Variants in MEMO1 observed in about 807,000 individuals in gnomAD.
The protein encoded by MEMO1 is protein MEMO1.
A neutral mutation model predicts 45.2 loss-of-function variants in MEMO1; 6 were observed. The ratio of observed to expected loss-of-function variants is 0.13; its 90% CI spans 0.07 to 0.26. MEMO1 has a LOEUF of 0.26. Ranked by LOEUF, MEMO1 falls within the 10% of genes least tolerant of loss-of-function variation. The probability of loss-of-function intolerance (pLI) is 1.00; values close to 1 mark genes in which losing one functional copy is unlikely to be tolerated. For missense variants in MEMO1, 184 were observed against 370.5 expected (o/e 0.50, Z 4.13); for synonymous variants, 78 against 124.3 (o/e 0.63, Z 2.48).
intron 2 of MEMO1, among the ~76,000 whole-genome samples, chr2:31,991,367 G>T: frequency 6.6e-6 from 1 of 152,082 alleles, no homozygotes; most frequent in Non-Finnish European, 1.5e-5. Flanking sequence ...AGGTCTGGAG[G>T]TCGAGACCAG....
intron 2 of MEMO1, among the ~76,000 whole-genome samples, chr2:31,962,824 A>G (rs1213700692): frequency 6.6e-6 from 1 of 152,168 alleles, no homozygotes; most frequent in East Asian, 1.9e-4. Context: ...GTGCCCAGAC[A>G]TTTGGTCAAG....
At chr2:31,975,420 T>G (rs1041064971) in intron 2 of MEMO1, among the ~76,000 whole-genome samples, 1 of 152,174 alleles carries the variant, frequency 6.6e-6, no homozygotes, top group Non-Finnish European at 1.5e-5. Context: ...ATAAACATTT[T>G]GGGACTTTTG....
chr2:32,000,272 C>T (rs1673122197), intron 2 of MEMO1, among the ~76,000 whole-genome samples: 1 of 151,610 alleles, frequency 6.6e-6, no homozygotes, highest in South Asian at 2.1e-4. Context: ...TCTTGTTGCC[C>T]AGACTGGAGT....
chr2:31,883,514 A>C, intron 7 of MEMO1, 52 bp from the exon 8 acceptor site: 2 of 1,335,130 alleles, frequency 1.5e-6, no homozygotes, highest in South Asian at 1.4e-5. Context: ...TAGAAGCTAA[A>C]AAGAAAGCAA....
chr2:31,909,508 A>G (rs1024986964), intron 6 of MEMO1, among the ~76,000 whole-genome samples: 15 of 152,174 alleles, frequency 9.9e-5, no homozygotes, highest in African/African-American at 3.6e-4. Context: ...CCCATTTACA[A>G]TAACTACCAA....
intron 2 of MEMO1, among the ~76,000 whole-genome samples, chr2:31,988,934 T>C (rs1671604614): frequency 6.6e-6 from 1 of 152,136 alleles, no homozygotes; most frequent in Non-Finnish European, 1.5e-5. Context: ...CAGCCAGGCA[T>C]GGTGGCTCAC....
At chr2:31,968,726 G>C (rs768627917) in intron 2 of MEMO1, among the ~76,000 whole-genome samples, 3 of 151,998 alleles carry the variant, frequency 2.0e-5, no homozygotes, top group Admixed American at 2.0e-4. Context: ...TAAGTGTTCC[G>C]TTTGTTTCAC....
intron 2 of MEMO1, among the ~76,000 whole-genome samples, chr2:31,999,087 G>C (rs1672954491): frequency 6.6e-6 from 1 of 152,086 alleles, no homozygotes; most frequent in Non-Finnish European, 1.5e-5. Context: ...CATACTTCAA[G>C]TATGTCAGCA....
intron 2 of MEMO1, among the ~76,000 whole-genome samples, chr2:31,986,986 G>A (rs1671340626): frequency 6.6e-6 from 1 of 152,092 alleles, no homozygotes; most frequent in East Asian, 1.9e-4. Context: ...CAACAATTAG[G>A]GAGAAAACAA....
chr2:31,993,065 C>T (rs2148555407), intron 2 of MEMO1, among the ~76,000 whole-genome samples: 1 of 152,240 alleles, frequency 6.6e-6, no homozygotes, highest in Middle Eastern at 3.4e-3. Flanking sequence ...CCCAGCTATT[C>T]AGGAGGCAGA....
intron 2 of MEMO1, among the ~76,000 whole-genome samples, chr2:31,949,868 A>C (rs1370332246): frequency 6.6e-6 from 1 of 151,740 alleles, no homozygotes; most frequent in Non-Finnish European, 1.5e-5. Context: ...TGCCTGTATC[A>C]AAACATCTCA....
intron 6 of MEMO1, chr2:31,893,184 C>T: frequency 1.3e-5 from 3 of 223,196 alleles, no homozygotes; most frequent in Non-Finnish European, 2.8e-5. Flanking sequence ...AATGTTAGCC[C>T]AGCTGCATAA....
At chr2:31,970,936 G>A (rs952796879) in intron 2 of MEMO1, among the ~76,000 whole-genome samples, 3 of 152,166 alleles carry the variant, frequency 2.0e-5, no homozygotes, top group African/African-American at 7.2e-5. Context: ...CCCAGAAGGT[G>A]GAGGTTGCAG....
intron 6 of MEMO1, among the ~76,000 whole-genome samples, chr2:31,914,152 G>T (rs1681060782): frequency 6.6e-6 from 1 of 152,152 alleles, no homozygotes; most frequent in Non-Finnish European, 1.5e-5. Context: ...GGAAGCTAGG[G>T]CATCTTGGAG....
intron 2 of MEMO1, among the ~76,000 whole-genome samples, chr2:31,957,270 C>T (rs138967397): frequency 2.2e-4 from 34 of 151,908 alleles, no homozygotes; most frequent in African/African-American, 7.0e-4. Context: ...CATGTATTAT[C>T]TATCAAAAAA....
Position 31,974,965 on chromosome 2 carries a change from G to GT in MEMO1, c.62-31583dup, listed in dbSNP as rs1191767195. Among the ~76,000 whole-genome samples the GT allele has an allele frequency of 2.0e-5, 3 of 152,202 alleles. No homozygotes were observed. In the East Asian group the frequency reaches 5.8e-4, roughly 29 times the overall value. On this transcript the variant is annotated intron_variant, in intron 2 of 9. Coordinates refer to ENST00000404530, the MANE Select transcript of MEMO1 (RefSeq NM_001301833.4). ...GCAAGTGGATCACCTGAGGTCAGGAGTTTGAGACCAGCTTGGCCAACATGA... is the reference window on the plus strand; with the variant it reads ...GCAAGTGGATCACCTGAGGTCAGGAGTTTTGAGACCAGCTTGGCCAACATGA...
At chr2:31,962,034 G>A (rs1426794027) in intron 2 of MEMO1, among the ~76,000 whole-genome samples, 1 of 151,882 alleles carries the variant, frequency 6.6e-6, no homozygotes, top group Non-Finnish European at 1.5e-5. Flanking sequence ...AAAATGAAGA[G>A]GATAAACTCA....
chr2:31,924,079 A>G (rs1682727570), intron 4 of MEMO1, among the ~76,000 whole-genome samples: 2 of 150,058 alleles, frequency 1.3e-5, no homozygotes, highest in Admixed American at 1.3e-4. Context: ...AATAAGAAAA[A>G]AAGGTTTAAG....
chr2:31,876,350 G>C (rs566893277), intron 8 of MEMO1, among the ~76,000 whole-genome samples: 27 of 152,268 alleles, frequency 1.8e-4, no homozygotes, highest in African/African-American at 6.5e-4. Flanking sequence ...CCTCAAGGTA[G>C]TCTTTCTCAG....
Sources: gnomAD v4.1 joint callset for allele counts (sites outside exome capture counted in the v4.1 genomes callset) on GRCh38, gnomAD v4.1.1 for gene constraint, MANE v1.5 for transcripts, NCBI Gene and HGNC (gene_info 2026-07-23, HGNC 2026-07-21) for gene names.